NCKAP5: variants seen among roughly 807,000 people sequenced by gnomAD.
NCKAP5 encodes the protein NCK associated protein 5, also known as nck-associated protein 5.
NCKAP5 carries 92 observed loss-of-function variants against 167.0 expected under a neutral mutation model. The observed-to-expected ratio is 0.55, with a 90% confidence interval of 0.47 to 0.66. The LOEUF (loss-of-function observed/expected upper bound fraction) is 0.66. Ranked by LOEUF, NCKAP5 falls within the 30% of genes least tolerant of loss-of-function variation. The pLI, the probability that NCKAP5 is intolerant of heterozygous loss-of-function variation, is 0.00. For missense variants in NCKAP5, 2,378 were observed against 2,315.0 expected (o/e 1.03, Z -0.56); for synonymous variants, 891 against 877.4 (o/e 1.02, Z -0.27).
intron 3 of NCKAP5, among the ~76,000 whole-genome samples, chr2:133,366,008 A>G (rs1685434389): frequency 6.6e-6 from 1 of 152,246 alleles, no homozygotes; most frequent in Admixed American, 6.5e-5. Context: ...TATTTCAGTT[A>G]CAGACACTTT....
intron 8 of NCKAP5, among the ~76,000 whole-genome samples, chr2:132,903,185 C>T (rs1215659264): frequency 2.0e-5 from 3 of 152,152 alleles, no homozygotes; most frequent in African/African-American, 7.2e-5. Context: ...ACCCCCCTTG[C>T]CACATGGGCT....
intron 8 of NCKAP5, among the ~76,000 whole-genome samples, chr2:132,933,150 C>A (rs1405467594): frequency 6.6e-6 from 1 of 152,080 alleles, no homozygotes; most frequent in Non-Finnish European, 1.5e-5. Flanking sequence ...TGGTCTCGAT[C>A]TTCTGACCTC....
intron 3 of NCKAP5, among the ~76,000 whole-genome samples, chr2:133,338,168 G>GA (rs1574738050): frequency 6.6e-6 from 1 of 151,892 alleles, no homozygotes; most frequent in East Asian, 1.9e-4. Flanking sequence ...ATTTGGTTAA[G>GA]AAAAAATATA....
chr2:133,203,460 A>G (rs1030385908), intron 5 of NCKAP5, among the ~76,000 whole-genome samples: 26 of 152,180 alleles, frequency 1.7e-4, no homozygotes, highest in African/African-American at 6.0e-4. Flanking sequence ...TAATAGGTGC[A>G]GCACACCAAC....
chr2:133,434,281 CAAG>C (rs1462345228), intron 3 of NCKAP5, among the ~76,000 whole-genome samples: 1 of 152,130 alleles, frequency 6.6e-6, no homozygotes, highest in Non-Finnish European at 1.5e-5. Flanking sequence ...CGCTCCTTTT[CAAG>C]AAGGATTAGT....
chr2:133,044,281 G>T (rs2079314608), intron 6 of NCKAP5, among the ~76,000 whole-genome samples: 1 of 152,014 alleles, frequency 6.6e-6, no homozygotes, highest in Admixed American at 6.6e-5. Context: ...TTCATCGAAA[G>T]ACGCAAATAA....
At chr2:133,601,099 ACTT>A in the NCKAP5 span, among the ~76,000 whole-genome samples, 1,218 of 152,198 alleles carry the variant, frequency 8.0e-3, 16 homozygotes, top group Middle Eastern at 0.058. Context: ...GACGCTTACC[ACTT>A]CTTCTATCAC....
chr2:132,742,619 G>C (rs1406920016), intron 16 of NCKAP5, among the ~76,000 whole-genome samples: 1 of 151,756 alleles, frequency 6.6e-6, no homozygotes, highest in Non-Finnish European at 1.5e-5. Flanking sequence ...AGAAAGATAA[G>C]AATTTAAAGT....
intron 16 of NCKAP5, among the ~76,000 whole-genome samples, chr2:132,743,473 A>T (rs1574057867): frequency 6.6e-6 from 1 of 151,824 alleles, no homozygotes; most frequent in African/African-American, 2.4e-5. Flanking sequence ...AAAATAGATT[A>T]TGATAAAGTA....
chr2:133,550,578 G>A (rs1381653389), intron 2 of NCKAP5, among the ~76,000 whole-genome samples: 16 of 91,518 alleles, frequency 1.7e-4, no homozygotes, highest in African/African-American at 6.1e-4. Flanking sequence ...CAATAAATTA[G>A]GTATTGATGG....
Position 132,790,093 on chromosome 2 carries a change from G to C in NCKAP5, c.1022C>G (p.Ser341Ter). ...SYSSSSELSLSSTCSEYSSGS... is the reference protein window; with the variant it reads ...SYSSSSELSL ...ACTGGAGTACTCGCTGCAGGTGCTTGAAAGAGACAGTTCACTGCTGCTACT... is the reference window on the plus strand; with the variant it reads ...ACTGGAGTACTCGCTGCAGGTGCTTCAAAGAGACAGTTCACTGCTGCTACT... Residue 341 changes from serine to a stop codon, truncating the protein, a stop_gained, in exon 13 of 20, where the codon TCA becomes TGA. Transcript: ENST00000409261. LOFTEE classifies it high-confidence loss of function. The C allele has an allele frequency of 6.2e-7, 1 of 1,613,414 alleles. No homozygotes were observed. Among genetic ancestry groups the C allele is most frequent in the Non-Finnish European group, 8.5e-7 (1 of 1,179,646 alleles).
chr2:133,309,777 G>A (rs1681099168), intron 3 of NCKAP5, among the ~76,000 whole-genome samples: 1 of 152,124 alleles, frequency 6.6e-6, no homozygotes, highest in Non-Finnish European at 1.5e-5. Flanking sequence ...TCTGAGAGAG[G>A]CCCATTATAA....
In NCKAP5 at chr2:132,899,641, G is replaced by A. The variant is rs192315768; in HGVS notation, c.580-20725C>T. Among the ~76,000 whole-genome samples the A allele has an allele frequency of 8.5e-4, 130 of 152,344 alleles. 1 individual carries two copies. The highest frequency in any genetic ancestry group is 7.2e-3 in the Admixed American group (110 of 15,306). ...TATAATCTCAGCACTTTGGAAGGCC[G>A]AAGCGGGCAGATCACTGGAGGTCAT... On this transcript the variant is annotated intron_variant, in intron 8 of 19. Coordinates refer to ENST00000409261, the MANE Select transcript of NCKAP5 (RefSeq NM_207363.3).
At position 133,328,867 on chromosome 2, in the gene NCKAP5, A is replaced by G. The variant is rs541890667; in HGVS notation, c.70-25757T>C. 2.6e-5 allele frequency among the ~76,000 whole-genome samples: 4 copies of G among 152,348 alleles called. No individual in the cohort carries two copies. The South Asian group carries it at 8.3e-4, about 32-fold the overall frequency. On this transcript the variant is annotated intron_variant, in intron 3 of 19. Transcript: ENST00000409261. ...TGAAATGCTGGGAACTTTCATGGAAAGAAAAACTTGCGGCAATCATAATAT... is the reference window on the plus strand; with the variant it reads ...TGAAATGCTGGGAACTTTCATGGAAGGAAAAACTTGCGGCAATCATAATAT...
chr2:133,409,186 G>A (rs1240374415), intron 3 of NCKAP5, among the ~76,000 whole-genome samples: 4 of 151,804 alleles, frequency 2.6e-5, no homozygotes, highest in African/African-American at 7.3e-5. Flanking sequence ...GCAATCCTCA[G>A]ACCAGATTTC....
At chr2:133,469,251 A>T (rs778865350) in intron 3 of NCKAP5, among the ~76,000 whole-genome samples, 28 of 151,710 alleles carry the variant, frequency 1.8e-4, no homozygotes, top group Non-Finnish European at 4.1e-4. Context: ...AAAGTATTTT[A>T]TTTCTCCTTT....
At chr2:133,183,035 C>T (rs56381606) in intron 5 of NCKAP5, among the ~76,000 whole-genome samples, 29,223 of 151,888 alleles carry the variant, frequency 0.19, 3,425 homozygotes, top group African/African-American at 0.33. Context: ...CCTTCAAAAA[C>T]ACAAACTACC....
intron 6 of NCKAP5, among the ~76,000 whole-genome samples, chr2:133,005,056 G>A (rs1013352766): frequency 1.3e-5 from 2 of 152,150 alleles, no homozygotes; most frequent in Non-Finnish European, 2.9e-5. Context: ...TTTCTAGGAT[G>A]CCCAGATTTC....
intron 11 of NCKAP5, among the ~76,000 whole-genome samples, chr2:132,800,509 G>C (rs142746216): frequency 0.02 from 3,086 of 152,266 alleles, 50 homozygotes; most frequent in Middle Eastern, 0.027. Flanking sequence ...TTTCAAACCA[G>C]AGGTAAGTGA....
Sources: gnomAD v4.1 joint callset for allele counts (sites outside exome capture counted in the v4.1 genomes callset) on GRCh38, gnomAD v4.1.1 for gene constraint, MANE v1.5 for transcripts, NCBI Gene and HGNC (gene_info 2026-07-23, HGNC 2026-07-21) for gene names.